Variants in ABCC4 observed in about 807,000 individuals in gnomAD.
The protein encoded by ABCC4 is ATP binding cassette subfamily C member 4 (PEL blood group).
ABCC4 carries 102 observed loss-of-function variants against 168.5 expected under a neutral mutation model. The observed-to-expected ratio is 0.61, with a 90% CI of 0.52 to 0.71. The LOEUF is 0.71. ABCC4 is among the 30% of genes least tolerant of loss of function. The pLI, the probability that ABCC4 is intolerant of heterozygous loss-of-function variation, is 0.00. For synonymous variants in ABCC4, 617 were observed against 590.7 expected, an observed-to-expected ratio of 1.04 and a Z score of -0.65; for missense variants, 1,402 against 1,605.8, an observed-to-expected ratio of 0.87 and a Z score of 2.17.
chr13:95,136,418 G>A (rs1486546688), intron 19 of ABCC4, among the ~76,000 whole-genome samples: 2 of 152,184 alleles, frequency 1.3e-5, no homozygotes, highest in African/African-American at 4.8e-5. Context: ...GCCTCCCAAA[G>A]TGCTAAGATT....
chr13:95,186,356 C>T (rs754863391), intron 11 of ABCC4, among the ~76,000 whole-genome samples: 1 of 152,060 alleles, frequency 6.6e-6, no homozygotes, highest in South Asian at 2.1e-4. Flanking sequence ...ACAAGTTGAT[C>T]GCACTTGAAC....
rs202240726 is a variant in ABCC4, at chr13:95,290,149, T to TAGATGATA, written c.74+11091_74+11092insTATCATCT. Among the ~76,000 whole-genome samples the TAGATGATA allele has an allele frequency of 1.2e-3, 135 of 115,576 alleles. 1 individual carries two copies. Among genetic ancestry groups the TAGATGATA allele is most frequent in the Admixed American group, 2.1e-3 (23 of 11,138 alleles). The allele number at this position is 115,576 out of a possible 152,430, so 75.8% of individuals were successfully genotyped here. Reference sequence around the variant, plus strand: ...ATAGATAGATAGATAGATAGATAGATGATAGATAGATAGATGCGTGGATCC... The same window carrying TAGATGATA: ...ATAGATAGATAGATAGATAGATAGATAGATGATAGATAGATAGATAGATGCGTGGATCC... On this transcript the variant is annotated intron_variant, in intron 1 of 30. Transcript: ENST00000645237.
intron 9 of ABCC4, among the ~76,000 whole-genome samples, chr13:95,189,877 C>T (rs2038200444): frequency 1.3e-5 from 2 of 152,162 alleles, no homozygotes; most frequent in South Asian, 4.1e-4. Context: ...CCCACCACAG[C>T]ATTCAATCCA....
intron 1 of ABCC4, among the ~76,000 whole-genome samples, chr13:95,264,821 T>C (rs1594406225): frequency 6.6e-6 from 1 of 151,540 alleles, no homozygotes; most frequent in East Asian, 1.9e-4. Context: ...TTAAGAAACA[T>C]GCACTAAAAT....
intron 30 of ABCC4, among the ~76,000 whole-genome samples, chr13:95,033,861 C>T (rs1413453348): frequency 3.9e-5 from 6 of 152,046 alleles, no homozygotes; most frequent in South Asian, 4.2e-4. Context: ...GGGGTTTCTC[C>T]GTGTTGGTCA....
Position 95,073,227 on chromosome 13 carries a change from G to A in ABCC4, c.2995C>T (p.Gln999Ter). The A allele has an allele frequency of 1.2e-6, 2 of 1,613,810 alleles. No homozygotes were observed. Among genetic ancestry groups the A allele is most frequent in the Non-Finnish European group, 1.7e-6 (2 of 1,179,832 alleles). ...ACCATATTCTCAACTTCAGCACTTT[G>A]TCGAACACACCACTGAAACATCCCC... ...LMGMFQWCVR[Q>*]SAEVENMMIS... The change falls in exon 24 of 31, where the codon CAA (glutamine) becomes TAA (stop). Residue 999 changes from glutamine (Q) to a stop codon, truncating the protein, a stop_gained. Coordinates refer to ENST00000645237, the MANE Select transcript of ABCC4 (RefSeq NM_005845.5). LOFTEE classifies it high-confidence loss of function.
intron 19 of ABCC4, among the ~76,000 whole-genome samples, chr13:95,149,681 G>A (rs950496860): frequency 9.2e-5 from 14 of 152,176 alleles, no homozygotes; most frequent in Non-Finnish European, 1.5e-4. Flanking sequence ...TGATCAAGGC[G>A]TGTGGAATTG....
chr13:95,120,950 T>C (rs1013677746), intron 19 of ABCC4, among the ~76,000 whole-genome samples: 19 of 152,122 alleles, frequency 1.2e-4, no homozygotes. Context: ...AGGAAGCCAT[T>C]TGAGGGGATG....
intron 1 of ABCC4, among the ~76,000 whole-genome samples, chr13:95,272,670 C>G (rs2040874383): frequency 6.6e-6 from 1 of 151,986 alleles, no homozygotes; most frequent in Non-Finnish European, 1.5e-5. Context: ...GGTGGATCAC[C>G]TGAGGTCAGG....
intron 25 of ABCC4, among the ~76,000 whole-genome samples, chr13:95,064,260 G>GTATGTATATATATATATA (rs2033424604): frequency 4.6e-5 from 1 of 21,506 alleles, no homozygotes; most frequent in East Asian, 1.4e-3. Flanking sequence ...GTGTGTGTGT[G>GTATGTATATATATATATA]TATATATATA....
chr13:95,119,389 GA>G (rs1190867783), intron 19 of ABCC4, among the ~76,000 whole-genome samples: 1 of 152,106 alleles, frequency 6.6e-6, no homozygotes, highest in African/African-American at 2.4e-5. Context: ...CGAAATGTCT[GA>G]AAAGGGTCTA....
Position 95,073,305 on chromosome 13 carries a change from C to A in ABCC4, c.2918-1G>T. 3.1e-6 allele frequency: 5 copies of A among 1,611,838 alleles called. No homozygotes were observed. The highest frequency in any genetic ancestry group is 4.2e-6 in the Non-Finnish European group (5 of 1,178,628). On this transcript the variant is annotated splice_acceptor_variant, in intron 23 of 30. Coordinates refer to ENST00000645237, the MANE Select transcript of ABCC4 (RefSeq NM_005845.5). LOFTEE classifies it high-confidence loss of function. ...AAACCAACCTGCCCGGCATCCAGAG[C>A]TACGTAAGGAGGAAGAAGGGAATAA... is the stretch of plus-strand genomic sequence containing the variant.
chr13:95,044,271 A>T lies in ABCC4; in HGVS notation c.3624T>A (p.Asp1208Glu). Residue 1208 changes from aspartate to glutamate, a missense_variant, in exon 28 of 31, where the codon GAT becomes GAA. Transcript: ENST00000645237. Reference sequence around the variant, plus strand: ...CATGGACCTCAGCTTTATACCTTGGATCCACATTTGCCGTCGCTTCATCAA... The same window carrying T: ...CATGGACCTCAGCTTTATACCTTGGTTCCACATTTGCCGTCGCTTCATCAA... ...LIIDEATANV[D>E]PRTDELIQKK... The T allele has an allele frequency of 1.2e-6, 2 of 1,611,016 alleles. No homozygotes were observed. Among genetic ancestry groups the T allele is most frequent in the Non-Finnish European group, 1.7e-6 (2 of 1,178,646 alleles).
At chr13:95,063,697 C>G (rs545773583) in intron 25 of ABCC4, among the ~76,000 whole-genome samples, 24 of 152,280 alleles carry the variant, frequency 1.6e-4, no homozygotes, top group African/African-American at 4.8e-4. Context: ...AAAGCCAAGA[C>G]AGAGAGAAAT....
At chr13:95,197,371 T>C (rs1355396794) in intron 8 of ABCC4, among the ~76,000 whole-genome samples, 1 of 152,224 alleles carries the variant, frequency 6.6e-6, no homozygotes, top group Admixed American at 6.5e-5. Flanking sequence ...CAGTATTCTG[T>C]ATGTGCAGGT....
intron 13 of ABCC4, among the ~76,000 whole-genome samples, chr13:95,175,836 TGCC>T (rs370309461): frequency 1.8e-3 from 280 of 152,292 alleles, no homozygotes; most frequent in African/African-American, 6.2e-3. Flanking sequence ...AGAAACAACC[TGCC>T]GCTGTGGAAG....
intron 19 of ABCC4, among the ~76,000 whole-genome samples, chr13:95,144,573 C>A (rs1423436793): frequency 1.3e-5 from 2 of 152,106 alleles, no homozygotes; most frequent in Admixed American, 1.3e-4. Context: ...AAAATCAATG[C>A]ATAAAATCAG....
At chr13:95,082,537 G>C (rs2034130805) in intron 21 of ABCC4, among the ~76,000 whole-genome samples, 1 of 152,120 alleles carries the variant, frequency 6.6e-6, no homozygotes, top group African/African-American at 2.4e-5. Context: ...TGTGACATTA[G>C]AACAAGCACC....
At chr13:95,103,981 C>T (rs1400518228) in intron 20 of ABCC4, among the ~76,000 whole-genome samples, 1 of 152,122 alleles carries the variant, frequency 6.6e-6, no homozygotes, top group African/African-American at 2.4e-5. Context: ...ACCAGGAAGC[C>T]TTACCAGCTT....
Sources: allele counts gnomAD v4.1 joint callset (sites outside exome capture counted in the v4.1 genomes callset), GRCh38; gene constraint gnomAD v4.1.1; transcripts MANE v1.5; gene names NCBI Gene and HGNC (gene_info 2026-07-23, HGNC 2026-07-21).